Variants in DSCAM observed in about 807,000 individuals in gnomAD.
DSCAM encodes cell adhesion molecule DSCAM.
In DSCAM, 47 loss-of-function variants were observed where a neutral mutation model predicts 217.7. The observed-to-expected ratio is 0.22, with a 90% CI of 0.17 to 0.28. The LOEUF is 0.28. DSCAM is among the 10% of genes least tolerant of loss of function. The pLI is 1.00. For missense variants in DSCAM, 2,080 were observed against 2,618.3 expected (o/e 0.79, Z 4.49); for synonymous variants, 1,056 against 1,015.3 (o/e 1.04, Z -0.76).
chr21:40,366,111 G>A (rs2074829856), intron 4 of DSCAM, among the ~76,000 whole-genome samples: 1 of 151,976 alleles, frequency 6.6e-6, no homozygotes, highest in Non-Finnish European at 1.5e-5. Context: ...ATTAGACTAT[G>A]TTGCATGTTG....
intron 3 of DSCAM, among the ~76,000 whole-genome samples, chr21:40,473,911 A>G (rs2075911102): frequency 6.6e-6 from 1 of 152,178 alleles, no homozygotes; most frequent in African/African-American, 2.4e-5. Flanking sequence ...CTCCAAAACT[A>G]TGAGAAAACA....
chr21:40,592,215 C>G (rs911998931), intron 3 of DSCAM, among the ~76,000 whole-genome samples: 34 of 152,136 alleles, frequency 2.2e-4, no homozygotes, highest in African/African-American at 8.2e-4. Flanking sequence ...TGAGAAATTA[C>G]TCTGATAATG....
chr21:40,109,580 G>T (rs982009066), intron 20 of DSCAM, among the ~76,000 whole-genome samples: 1 of 152,206 alleles, frequency 6.6e-6, no homozygotes, highest in Admixed American at 6.5e-5. Context: ...GCAGGACAGC[G>T]GGTGCAGCGC....
intron 3 of DSCAM, among the ~76,000 whole-genome samples, chr21:40,553,266 C>T (rs2076644706): frequency 6.6e-6 from 1 of 152,210 alleles, no homozygotes; most frequent in South Asian, 2.1e-4. Context: ...TACCACTGGA[C>T]TTACCTTTTA....
chr21:40,313,752 G>C (rs974888766), intron 8 of DSCAM, among the ~76,000 whole-genome samples: 1 of 152,026 alleles, frequency 6.6e-6, no homozygotes, highest in African/African-American at 2.4e-5. Flanking sequence ...TGTAATGTAA[G>C]CCTTTTTTGT....
intron 1 of DSCAM, among the ~76,000 whole-genome samples, chr21:40,834,426 AAATAATAATAATAATAAT>A (rs57612141): frequency 1.1e-4 from 16 of 141,504 alleles, no homozygotes; most frequent in African/African-American, 3.4e-4. Context: ...AATAATAATA[AAATAATAATAATAATAAT>A]AATAATAATA....
chr21:40,487,320 TGTGTGTGAGAGA>T (rs929763742), intron 3 of DSCAM, among the ~76,000 whole-genome samples: 18 of 120,140 alleles, frequency 1.5e-4, no homozygotes, highest in African/African-American at 6.3e-4. Flanking sequence ...TGTGTGTGTG[TGTGTGTGAGAGA>T]GAGAGAGAGA....
At chr21:40,110,758 C>T (rs1344073077) in intron 20 of DSCAM, among the ~76,000 whole-genome samples, 8 of 151,984 alleles carry the variant, frequency 5.3e-5, no homozygotes, top group East Asian at 1.9e-4. Context: ...ATGAGAACTA[C>T]GTGACGAATG....
At chr21:40,503,905 T>G (rs2076189683) in intron 3 of DSCAM, among the ~76,000 whole-genome samples, 1 of 152,222 alleles carries the variant, frequency 6.6e-6, no homozygotes, top group African/African-American at 2.4e-5. Flanking sequence ...CACTGTGAAT[T>G]GATGGTCATG....
intron 1 of DSCAM, among the ~76,000 whole-genome samples, chr21:40,766,547 C>T (rs574105012): frequency 3.3e-5 from 5 of 151,060 alleles, no homozygotes; most frequent in Non-Finnish European, 7.4e-5. Context: ...AAAGAAAATG[C>T]TTGCTAGAAG....
chr21:40,499,257 T>C (rs1214965404), intron 3 of DSCAM, among the ~76,000 whole-genome samples: 2 of 152,194 alleles, frequency 1.3e-5, no homozygotes, highest in African/African-American at 4.8e-5. Context: ...ATATGTCAAA[T>C]ATCTAGACAG....
chr21:40,547,541 G>A (rs1252502285), intron 3 of DSCAM, among the ~76,000 whole-genome samples: 7 of 152,152 alleles, frequency 4.6e-5, no homozygotes. Context: ...ATAATTAATG[G>A]AGCACAGAAA....
Position 40,189,096 on chromosome 21 carries a change from G to T in DSCAM, c.2499C>A (p.Ala833=). The T allele has an allele frequency of 6.2e-7, 1 of 1,614,066 alleles. No homozygotes were observed. ...CCTCCTTGGTGGACACAAGATAACG[G>T]GCCATCTCAGGGTTAATGATTCGGT... The part of the protein sequence containing the change: ...KEDRIINPEM[A]RYLVSTKEVG... Residue 833 remains alanine (A), a synonymous_variant, in exon 12 of 33, where the codon GCC becomes GCA. Coordinates refer to ENST00000400454, the MANE Select transcript of DSCAM (RefSeq NM_001389.5).
At chr21:40,715,017 C>T (rs2090826499) in intron 1 of DSCAM, among the ~76,000 whole-genome samples, 1 of 152,172 alleles carries the variant, frequency 6.6e-6, no homozygotes, top group Non-Finnish European at 1.5e-5. Context: ...TGAACACTTG[C>T]TTCTGTCTTC....
chr21:40,323,164 T>C (rs1230681341), intron 8 of DSCAM, among the ~76,000 whole-genome samples: 1 of 152,166 alleles, frequency 6.6e-6, no homozygotes, highest in Non-Finnish European at 1.5e-5. Flanking sequence ...GCATCCCAGC[T>C]CACTCTTTCT....
intron 3 of DSCAM, among the ~76,000 whole-genome samples, chr21:40,686,360 CCACACACACTA>C (rs1568985078): frequency 6.6e-6 from 1 of 150,708 alleles, no homozygotes; most frequent in African/African-American, 2.4e-5. Flanking sequence ...CACACACACA[CCACACACACTA>C]CACACACATA....
At chr21:40,160,776 G>A (rs1224749646) in intron 16 of DSCAM, among the ~76,000 whole-genome samples, 2 of 152,136 alleles carry the variant, frequency 1.3e-5, no homozygotes, top group Non-Finnish European at 2.9e-5. Flanking sequence ...CAACTTTACA[G>A]CTTATAACCT....
At chr21:40,081,359 C>T (rs2089453541) in intron 24 of DSCAM, among the ~76,000 whole-genome samples, 1 of 152,074 alleles carries the variant, frequency 6.6e-6, no homozygotes, top group East Asian at 1.9e-4. Context: ...TCTCCTAAAC[C>T]CAAATGGGCA....
intron 3 of DSCAM, chr21:40,621,513 G>C (rs1183866349): frequency 6.6e-6 from 1 of 152,124 alleles, no homozygotes; most frequent in Non-Finnish European, 1.5e-5. Flanking sequence ...AAGCAATGCT[G>C]ACTGGATGCC....
Sources: gnomAD v4.1 joint callset for allele counts (sites outside exome capture counted in the v4.1 genomes callset) on GRCh38, gnomAD v4.1.1 for gene constraint, MANE v1.5 for transcripts, NCBI Gene and HGNC (gene_info 2026-07-23, HGNC 2026-07-21) for gene names.